GNB4: variants seen among roughly 807,000 people sequenced by gnomAD.
GNB4 encodes G protein subunit beta 4, also known as guanine nucleotide-binding protein subunit beta-4.
GNB4 carries 28 observed loss-of-function variants against 45.2 expected under a neutral mutation model. The ratio of observed to expected loss-of-function variants is 0.62; its 90% CI spans 0.46 to 0.85. The LOEUF is 0.85. Among genes scored for constraint, GNB4 ranks in the 40% least tolerant of loss-of-function variants. GNB4 has a pLI of 0.00. For synonymous variants in GNB4, 132 were observed against 143.7 expected (o/e 0.92, Z 0.58); for missense variants, 321 against 425.4 (o/e 0.75, Z 2.16).
chr3:179,500,400 T>C, the GNB4 span, among the ~76,000 whole-genome samples: 1 of 152,212 alleles, frequency 6.6e-6, no homozygotes, highest in Non-Finnish European at 1.5e-5. Flanking sequence ...TGTAGATGTG[T>C]GGCGTTATTT....
chr3:179,448,263 C>T (rs1453800808), intron 1 of GNB4, among the ~76,000 whole-genome samples: 1 of 152,160 alleles, frequency 6.6e-6, no homozygotes, highest in Admixed American at 6.6e-5. Context: ...CCGCGCCTGG[C>T]CTGTTTCATG....
chr3:179,473,829 G>A, the GNB4 span, among the ~76,000 whole-genome samples: 4 of 152,200 alleles, frequency 2.6e-5, no homozygotes, highest in East Asian at 3.9e-4. Flanking sequence ...TTGTAGTTTC[G>A]GTTCAAGAGT....
chr3:179,462,691 A>C, the GNB4 span, among the ~76,000 whole-genome samples: 1 of 152,118 alleles, frequency 6.6e-6, no homozygotes, highest in African/African-American at 2.4e-5. Flanking sequence ...ATACAAAATT[A>C]GCTGGGTGTG....
rs1408368211 is a variant in GNB4, at chr3:179,398,282, A to C, written c.*2931T>G. 6.6e-6 allele frequency: 1 copy of C among 151,836 alleles called. No homozygotes were observed. The highest frequency in any genetic ancestry group is 1.5e-5 in the Non-Finnish European group (1 of 68,038). 9.4% of individuals were successfully genotyped at this position (151,836 alleles called of 1,614,324 possible). ...GTAATCCCAGCACTTTGGGAGGCTG[A>C]GGCTGGTGGATCACTTGAGGCCAGG... is the stretch of plus-strand genomic sequence containing the variant. On this transcript the variant is annotated 3_prime_UTR_variant, in exon 10 of 10. Transcript: ENST00000232564.
chr3:179,437,565 A>G (rs1231159977), intron 1 of GNB4, among the ~76,000 whole-genome samples: 2 of 151,968 alleles, frequency 1.3e-5, no homozygotes, highest in Admixed American at 1.3e-4. Flanking sequence ...TCTATCTCAA[A>G]AAAAAAACAA....
chr3:179,489,103 A>G, the GNB4 span, among the ~76,000 whole-genome samples: 2 of 142,262 alleles, frequency 1.4e-5, no homozygotes, highest in Non-Finnish European at 3.0e-5. Context: ...TTATTTTATC[A>G]GAAAATCACT....
chr3:179,510,934 C>A, the GNB4 span, among the ~76,000 whole-genome samples: 2 of 152,138 alleles, frequency 1.3e-5, no homozygotes, highest in Admixed American at 1.3e-4. Flanking sequence ...TGAAGTTTGG[C>A]GAATTTTGTT....
At chr3:179,518,394 C>G in the GNB4 span, among the ~76,000 whole-genome samples, 2 of 151,942 alleles carry the variant, frequency 1.3e-5, no homozygotes, top group East Asian at 1.9e-4. Flanking sequence ...CAACTCGTCC[C>G]AAATCTTCCT....
At chr3:179,482,380 G>T in the GNB4 span, among the ~76,000 whole-genome samples, 1 of 152,062 alleles carries the variant, frequency 6.6e-6, no homozygotes, top group Admixed American at 6.6e-5. Flanking sequence ...ATTAGGGTGG[G>T]TTCTCTCTTG....
At chr3:179,522,356 C>T in the GNB4 span, among the ~76,000 whole-genome samples, 2 of 142,482 alleles carry the variant, frequency 1.4e-5, no homozygotes, top group African/African-American at 3.1e-5. Flanking sequence ...TCTTATAAAA[C>T]GGCCACACCC....
At chr3:179,408,368 T>G (rs1184331458) in intron 8 of GNB4, among the ~76,000 whole-genome samples, 2 of 151,782 alleles carry the variant, frequency 1.3e-5, no homozygotes, top group East Asian at 3.9e-4. Flanking sequence ...CAAAGTAAAA[T>G]ACAGAAAGAA....
At chr3:179,510,541 C>T in the GNB4 span, among the ~76,000 whole-genome samples, 29 of 151,456 alleles carry the variant, frequency 1.9e-4, no homozygotes, top group Admixed American at 7.2e-4. Flanking sequence ...GAGGAAAGCC[C>T]ACAGCAGAAA....
At chr3:179,468,119 G>A in the GNB4 span, among the ~76,000 whole-genome samples, 14 of 148,010 alleles carry the variant, frequency 9.5e-5, no homozygotes, top group East Asian at 2.4e-3. Context: ...GATTCCTTGA[G>A]TGCAGGAGTT....
chr3:179,486,468 C>T, the GNB4 span, among the ~76,000 whole-genome samples: 1 of 152,116 alleles, frequency 6.6e-6, no homozygotes, highest in Admixed American at 6.5e-5. Flanking sequence ...TTATCATTCA[C>T]CTGTGCCTAA....
chr3:179,440,880 T>TAGAGAGAGAGAGAGAGAGAGAG (rs141411562), intron 1 of GNB4, among the ~76,000 whole-genome samples: 62 of 149,126 alleles, frequency 4.2e-4, no homozygotes, highest in African/African-American at 1.3e-3. Flanking sequence ...TATAGATAGA[T>TAGAGAGAGAGAGAGAGAGAGAG]AGAGAGAGAG....
At chr3:179,526,029 G>C in the GNB4 span, among the ~76,000 whole-genome samples, 3 of 152,322 alleles carry the variant, frequency 2.0e-5, no homozygotes, top group Non-Finnish European at 4.4e-5. Context: ...TATTTCACCT[G>C]GGTGCAGGCA....
chr3:179,420,521 G>C (rs1307716369), intron 3 of GNB4, among the ~76,000 whole-genome samples: 1 of 150,786 alleles, frequency 6.6e-6, no homozygotes, highest in African/African-American at 2.4e-5. Context: ...GGAGTACAAT[G>C]GTGCGATCTC....
Position 179,407,996 on chromosome 3 carries a change from A to G in GNB4, c.700-2590T>C, listed in dbSNP as rs544332732. ...TCTGGTCCCATCTAACAAAACTTAC[A>G]TGCAAACCCTATAATGATCAAATAG... On this transcript the variant is annotated intron_variant, in intron 8 of 9. Coordinates refer to ENST00000232564, the MANE Select transcript of GNB4 (RefSeq NM_021629.4). Among the ~76,000 whole-genome samples the G allele has an allele frequency of 8.5e-5, 13 of 152,296 alleles. No individual in the cohort carries two copies. In the South Asian group the frequency reaches 2.3e-3, roughly 27 times the overall value.
chr3:179,418,114 T>C (rs1345839911), intron 4 of GNB4, among the ~76,000 whole-genome samples: 2 of 152,116 alleles, frequency 1.3e-5, no homozygotes, highest in Non-Finnish European at 2.9e-5. Context: ...ATATTTTAAG[T>C]TAAAATTTTG....
Sources: allele counts gnomAD v4.1 joint callset (sites outside exome capture counted in the v4.1 genomes callset), GRCh38; gene constraint gnomAD v4.1.1; transcripts MANE v1.5; gene names NCBI Gene and HGNC (gene_info 2026-07-23, HGNC 2026-07-21).